LTN1: variants seen among roughly 807,000 people sequenced by gnomAD.
The protein encoded by LTN1 is E3 ubiquitin-protein ligase listerin.
LTN1 carries 88 observed loss-of-function variants against 201.2 expected under a neutral mutation model. The ratio of observed to expected loss-of-function variants is 0.44; its 90% CI spans 0.37 to 0.52. The LOEUF (loss-of-function observed/expected upper bound fraction) is 0.52, where lower values mean the gene tolerates loss of function less well. Ranked by LOEUF, LTN1 falls within the 20% of genes least tolerant of loss-of-function variation. The pLI is 0.00. For missense variants in LTN1, 1,752 were observed against 2,038.7 expected, an observed-to-expected ratio of 0.86 and a Z score of 2.71; for synonymous variants, 645 against 713.5, an observed-to-expected ratio of 0.90 and a Z score of 1.53.
intron 21 of LTN1, 45 bp downstream of exon 21, chr21:28,945,762 T>G: frequency 1.9e-6 from 3 of 1,546,890 alleles, no homozygotes; most frequent in Non-Finnish European, 2.6e-6. Flanking sequence ...TGCAAAAGTA[T>G]GTACAAAAAC....
intron 29 of LTN1, 79 bp downstream of exon 29, chr21:28,931,076 T>A: frequency 1.3e-6 from 1 of 796,790 alleles, no homozygotes; most frequent in Non-Finnish European, 2.1e-6. Context: ...GGTGTGTGTG[T>A]GTGTGTGTGT....
At position 28,958,446 on chromosome 21, in the gene LTN1, A is replaced by G; in HGVS notation, c.2687T>C (p.Leu896Pro). ...CTTCAGCCACAGAGCAGACAAATGT[A>G]GGAAGGTACTCTCTTTATATGAACT... ...TDSSYKESTF[L>P]HLSALWLKNQ... The change falls in exon 14 of 30, where the codon CTA (leucine) becomes CCA (proline). Residue 896 changes from leucine (L) to proline (P), a missense_variant. This residue lies in a region of LTN1 where 1,211 missense variants were observed against 1,312.8 expected (regional missense o/e 0.92). Coordinates refer to ENST00000361371, the MANE Select transcript of LTN1 (RefSeq NM_015565.3). The G allele has an allele frequency of 6.2e-7, 1 of 1,612,366 alleles. No individual in the cohort carries two copies. The highest frequency in any genetic ancestry group is 1.1e-5 in the South Asian group (1 of 90,764).
intron 17 of LTN1, 31 bp from the exon 18 acceptor site, chr21:28,952,295 G>A (rs376957061): frequency 8.5e-5 from 111 of 1,301,466 alleles, no homozygotes; most frequent in Non-Finnish European, 1.0e-4. Context: ...ATTATATTCC[G>A]TTTTGAAAGC....
At chr21:28,958,711 A>G (rs748221597) in intron 13 of LTN1, among the ~76,000 whole-genome samples, 172 bp from the exon 14 acceptor site, 2 of 152,226 alleles carry the variant, frequency 1.3e-5, no homozygotes, top group Non-Finnish European at 2.9e-5. Context: ...CTGTGTCATA[A>G]ACATGCAATC....
At chr21:28,987,090 A>G (rs1172777030) in intron 1 of LTN1, among the ~76,000 whole-genome samples, 156 bp from the exon 2 acceptor site, 1 of 152,178 alleles carries the variant, frequency 6.6e-6, no homozygotes, top group African/African-American at 2.4e-5. Context: ...TTCCCCAAAG[A>G]TTAATGGTTT....
chr21:28,936,208 A>G (rs558329409), intron 26 of LTN1, among the ~76,000 whole-genome samples: 1 of 152,344 alleles, frequency 6.6e-6, no homozygotes, highest in East Asian at 1.9e-4. Context: ...AGCTCCCAGA[A>G]TGAAATGTTA....
At chr21:28,990,207 CTG>C (rs1221207106) in intron 1 of LTN1, among the ~76,000 whole-genome samples, 1 of 152,162 alleles carries the variant, frequency 6.6e-6, no homozygotes, top group African/African-American at 2.4e-5. Flanking sequence ...ACATATGTGT[CTG>C]TATCATCAAA....
At chr21:28,934,992 T>C (rs1270765403) in intron 27 of LTN1, 117 bp downstream of exon 27, 5 of 731,382 alleles carry the variant, frequency 6.8e-6, no homozygotes, top group Non-Finnish European at 1.1e-5. Flanking sequence ...CCACGACTCC[T>C]GGCCACCAGT....
In LTN1 at chr21:28,981,259, C is replaced by T; in HGVS notation, c.670G>A (p.Val224Ile). The T allele has an allele frequency of 6.4e-7, 1 of 1,572,518 alleles. No individual in the cohort carries two copies. The highest frequency in any genetic ancestry group is 1.2e-5 in the South Asian group (1 of 82,350). The change falls in exon 6 of 30, where the codon GTT (valine) becomes ATT (isoleucine). Residue 224 changes from valine (V) to isoleucine (I), a missense_variant. By Grantham distance (29) the Val-to-Ile change is conservative (BLOSUM62 3). Around this residue, in one of 3 missense-constraint regions of LTN1, gnomAD observed 280 missense variants for 375.7 expected, o/e 0.75. Coordinates refer to ENST00000361371, the MANE Select transcript of LTN1 (RefSeq NM_015565.3). ...EEEREAKFYR[V>I]VTCSLLALKR... ...AATGCCAATAAGGAACAAGTTACAACCCGGTAGAATTTAGCTTCTCTTTCT... is the reference window on the plus strand; with the variant it reads ...AATGCCAATAAGGAACAAGTTACAATCCGGTAGAATTTAGCTTCTCTTTCT...
In LTN1 at chr21:28,929,489, C is replaced by G. The variant is rs1048721169; in HGVS notation, c.*959G>C. ...CTGAAGGCTGAAAAACATTTGCTCCCCCAAGTCTCTTATTTAGTATAACTT... is the reference window on the plus strand; with the variant it reads ...CTGAAGGCTGAAAAACATTTGCTCCGCCAAGTCTCTTATTTAGTATAACTT... On this transcript the variant is annotated 3_prime_UTR_variant, in exon 30 of 30. Transcript: ENST00000361371. The G allele has an allele frequency of 6.6e-6, 1 of 152,184 alleles. No homozygotes were observed. Among genetic ancestry groups the G allele is most frequent in the African/African-American group, 2.4e-5 (1 of 41,408 alleles). The allele number at this position is 152,184 out of a possible 1,614,324, so 9.4% of individuals were successfully genotyped here.
At chr21:28,946,620 C>A (rs2084340047) in intron 19 of LTN1, among the ~76,000 whole-genome samples, 1 of 152,266 alleles carries the variant, frequency 6.6e-6, no homozygotes, top group South Asian at 2.1e-4. Context: ...ATAAAAAAAA[C>A]CCTACAGCTA....
At chr21:28,985,044 A>G (rs111647391) in intron 3 of LTN1, 122 bp from the exon 4 acceptor site, 3 of 606,054 alleles carry the variant, frequency 5.0e-6, no homozygotes, top group African/African-American at 3.8e-5. Flanking sequence ...CTAAACTGAA[A>G]TCATTTTTTT....
At chr21:28,968,918 T>C (rs1008469394) in intron 9 of LTN1, among the ~76,000 whole-genome samples, 3 of 148,676 alleles carry the variant, frequency 2.0e-5, no homozygotes, top group African/African-American at 7.4e-5. Flanking sequence ...GCACTACATC[T>C]TTCTAAAACA....
chr21:28,983,296 A>G (rs1392617176), intron 4 of LTN1, among the ~76,000 whole-genome samples: 1 of 152,240 alleles, frequency 6.6e-6, no homozygotes, highest in Admixed American at 6.5e-5. Flanking sequence ...TATTTTCTAA[A>G]GCCTATGAAG....
intron 6 of LTN1, among the ~76,000 whole-genome samples, chr21:28,978,638 A>G (rs1650688037): frequency 1.3e-5 from 2 of 152,224 alleles, no homozygotes; most frequent in African/African-American, 2.4e-5. Flanking sequence ...GATCACATCA[A>G]AATTTTCTTT....
At chr21:28,970,022 G>C (rs1395406493) in intron 8 of LTN1, among the ~76,000 whole-genome samples, 1 of 151,814 alleles carries the variant, frequency 6.6e-6, no homozygotes, top group Non-Finnish European at 1.5e-5. Context: ...CTGCAAATTC[G>C]AGATAACTTA....
chr21:28,952,635 G>A (rs767835545), intron 17 of LTN1, among the ~76,000 whole-genome samples: 4 of 152,208 alleles, frequency 2.6e-5, no homozygotes, highest in Non-Finnish European at 4.4e-5. Flanking sequence ...AGGTTCTTTG[G>A]TTCTGAGGAA....
Position 28,928,317 on chromosome 21 carries a change from T to C in LTN1, c.*2131A>G, listed in dbSNP as rs1242512218. ...TGGTATAACAATCAAATAATAACAT[T>C]AATTACTTGCACCACAAAAATGTAT... On this transcript the variant is annotated 3_prime_UTR_variant, in exon 30 of 30. Coordinates refer to ENST00000361371, the MANE Select transcript of LTN1 (RefSeq NM_015565.3). 3 of 152,584 alleles carry C rather than the reference T, an allele frequency of 2.0e-5. No individual in the cohort carries two copies. Among genetic ancestry groups the C allele is most frequent in the Non-Finnish European group, 4.4e-5 (3 of 68,018 alleles). 9.5% of individuals were successfully genotyped at this position (152,584 alleles called of 1,614,324 possible).
At chr21:28,932,259 C>T (rs2084216624) in intron 28 of LTN1, among the ~76,000 whole-genome samples, 2 of 152,178 alleles carry the variant, frequency 1.3e-5, no homozygotes, top group South Asian at 2.1e-4. Context: ...AAGTCAATCC[C>T]TCTCAAACAC....
Sources: allele counts gnomAD v4.1 joint callset (sites outside exome capture counted in the v4.1 genomes callset), GRCh38; gene constraint gnomAD v4.1.1; regional missense constraint gnomAD v4.1.1; transcripts MANE v1.5; gene names NCBI Gene and HGNC (gene_info 2026-07-23, HGNC 2026-07-21).